DEFB119: variants seen among roughly 807,000 people sequenced by gnomAD.
DEFB119 encodes the protein beta-defensin 119.
DEFB119 carries 3 observed loss-of-function variants against 2.5 expected under a neutral mutation model. The observed-to-expected ratio is 1.19, with a 90% confidence interval of 0.54 to 3.07. The LOEUF (loss-of-function observed/expected upper bound fraction) is 3.07. Among genes scored for constraint, DEFB119 ranks in the 30% most tolerant of loss-of-function variants. The pLI is 0.03. For missense variants in DEFB119, 113 were observed against 101.1 expected (o/e 1.12, Z -0.50); for synonymous variants, 29 against 33.7 (o/e 0.86, Z 0.48).
At chr20:31,385,665 G>A (rs1986669540) in intron 1 of DEFB119, among the ~76,000 whole-genome samples, 1 of 152,140 alleles carries the variant, frequency 6.6e-6, no homozygotes, top group African/African-American at 2.4e-5. Context: ...CCAGGAGTTT[G>A]AGAGCAGACT....
chr20:31,380,594 T>G (rs1600507676), intron 1 of DEFB119, among the ~76,000 whole-genome samples: 2 of 152,136 alleles, frequency 1.3e-5, no homozygotes, highest in Non-Finnish European at 2.9e-5. Context: ...TAAATATTTG[T>G]GAAAGGTGTG....
chr20:31,378,148 GGAA>G (rs1986370425), intron 1 of DEFB119, among the ~76,000 whole-genome samples: 1 of 152,176 alleles, frequency 6.6e-6, no homozygotes, highest in African/African-American at 2.4e-5. Flanking sequence ...CTATCTGGTG[GGAA>G]GAAGGCATCC....
chr20:31,380,859 A>C (rs1314612830), intron 1 of DEFB119, among the ~76,000 whole-genome samples: 1 of 152,130 alleles, frequency 6.6e-6, no homozygotes, highest in Non-Finnish European at 1.5e-5. Context: ...TGGTAAAATA[A>C]TTCTTCCAAC....
intron 1 of DEFB119, among the ~76,000 whole-genome samples, chr20:31,386,748 C>T (rs958144119): frequency 2.0e-5 from 3 of 151,580 alleles, no homozygotes; most frequent in African/African-American, 7.3e-5. Context: ...TGTTCCATAG[C>T]TCTGTAGGGT....
rs1986894973 is a variant in DEFB119, at chr20:31,390,505, G to A, written c.-22C>T. On this transcript the variant is annotated 5_prime_UTR_variant, in exon 1 of 2. Coordinates refer to ENST00000376321, the MANE Select transcript of DEFB119 (RefSeq NM_153289.4). ...TCATGGCTGGCAGACCTGAGAGGAGGAGGTGGCTGAGCTGCAGGGGAAGGA... is the reference window on the plus strand; with the variant it reads ...TCATGGCTGGCAGACCTGAGAGGAGAAGGTGGCTGAGCTGCAGGGGAAGGA... 1.9e-6 allele frequency: 3 copies of A among 1,612,072 alleles called. No homozygotes were observed. The highest frequency in any genetic ancestry group is 2.5e-6 in the Non-Finnish European group (3 of 1,179,300).
At chr20:31,390,187 G>A (rs1986878707) in intron 1 of DEFB119, among the ~76,000 whole-genome samples, 2 of 151,894 alleles carry the variant, frequency 1.3e-5, no homozygotes, top group African/African-American at 4.8e-5. Context: ...CCTCTCCCAA[G>A]CTCCCACCAG....
chr20:31,389,006 A>G, intron 1 of DEFB119: 1 of 1,613,648 alleles, frequency 6.2e-7, no homozygotes, highest in Non-Finnish European at 8.5e-7. Context: ...ACCCTAAGCA[A>G]CCTGAAACAA....
chr20:31,380,940 C>G (rs1018616465), intron 1 of DEFB119, among the ~76,000 whole-genome samples: 1 of 152,136 alleles, frequency 6.6e-6, no homozygotes, highest in African/African-American at 2.4e-5. Flanking sequence ...AGGGTATAGA[C>G]AGAATAATCT....
intron 1 of DEFB119, chr20:31,388,887 T>C (rs1986811182): frequency 3.4e-6 from 5 of 1,463,962 alleles, no homozygotes; most frequent in Non-Finnish European, 4.6e-6. Context: ...TTCTCTCGAC[T>C]AGCTCTTCAC....
At chr20:31,383,821 C>T (rs1226221374) in intron 1 of DEFB119, among the ~76,000 whole-genome samples, 4 of 151,796 alleles carry the variant, frequency 2.6e-5, no homozygotes, top group South Asian at 2.1e-4. Flanking sequence ...GCAGCCTGGG[C>T]GACAGAGCAA....
At chr20:31,380,832 T>C (rs1600507973) in intron 1 of DEFB119, among the ~76,000 whole-genome samples, 2 of 152,216 alleles carry the variant, frequency 1.3e-5, no homozygotes, top group Non-Finnish European at 2.9e-5. Flanking sequence ...TATTACTATA[T>C]AATAAGTCTT....
intron 1 of DEFB119, chr20:31,388,972 T>A: frequency 8.5e-6 from 13 of 1,529,356 alleles, no homozygotes; most frequent in Middle Eastern, 1.8e-4. Context: ...CAGAAACAAA[T>A]TTGTGAGTTT....
In DEFB119 at chr20:31,382,376, G is replaced by T. The variant is rs115789291; in HGVS notation, c.62-4937C>A. 4.2e-3 allele frequency among the ~76,000 whole-genome samples: 639 copies of T among 152,198 alleles called. 6 individuals are homozygous for T. The highest frequency in any genetic ancestry group is 0.014 in the African/African-American group (588 of 41,516). On this transcript the variant is annotated intron_variant, in intron 1 of 1. Transcript: ENST00000376321. ...GCTGTGTATCCTGGGGCAAGTTTCT[G>T]CACCTCCCTGTTCTACCCTTTTTCT...
chr20:31,378,671 G>A (rs1986393024), intron 1 of DEFB119, among the ~76,000 whole-genome samples: 1 of 152,088 alleles, frequency 6.6e-6, no homozygotes, highest in South Asian at 2.1e-4. Context: ...CATTTTGGTT[G>A]TTTCCAGGTC....
At chr20:31,378,518 T>A (rs768816806) in intron 1 of DEFB119, 82 of 1,431,492 alleles carry the variant, frequency 5.7e-5, no homozygotes, top group Non-Finnish European at 7.5e-5. Flanking sequence ...AGGAAAATCT[T>A]AACTTTAATG....
chr20:31,388,116 A>T (rs1205035565), intron 1 of DEFB119: 1 of 985,260 alleles, frequency 1.0e-6, no homozygotes, highest in Non-Finnish European at 1.2e-6. Context: ...AAAGTCTGGG[A>T]AGACACCCAG....
Position 31,389,204 on chromosome 20 carries a change from G to A in DEFB119, c.61+1219C>T, listed in dbSNP as rs199988239. 89 of 1,614,086 alleles carry A rather than the reference G, an allele frequency of 5.5e-5. No homozygotes were observed. Among genetic ancestry groups the A allele is most frequent in the Non-Finnish European group, 7.0e-5 (83 of 1,180,020 alleles). ...TCTTCACCATCTTTGCACAACAACC[G>A]GCAGTGTCCATCCATCCAACACTCT... is the stretch of plus-strand genomic sequence containing the variant. On this transcript the variant is annotated intron_variant, in intron 1 of 1. Coordinates refer to ENST00000376321, the MANE Select transcript of DEFB119 (RefSeq NM_153289.4).
Position 31,390,576 on chromosome 20 carries a change from A to C in DEFB119, c.-93T>G, listed in dbSNP as rs1986899441. Reference sequence around the variant, plus strand: ...GGCAGAGATGAGCTTTGCTTTTATCAGCAGGGCTGTGGGCAGTGAATTAGA... The same window carrying C: ...GGCAGAGATGAGCTTTGCTTTTATCCGCAGGGCTGTGGGCAGTGAATTAGA... On this transcript the variant is annotated 5_prime_UTR_variant, in exon 1 of 2. Coordinates refer to ENST00000376321, the MANE Select transcript of DEFB119 (RefSeq NM_153289.4). The C allele has an allele frequency of 2.4e-6, 3 of 1,265,914 alleles. No homozygotes were observed. The highest frequency in any genetic ancestry group is 1.1e-6 in the Non-Finnish European group (1 of 880,506). 78.4% of individuals were successfully genotyped at this position (1,265,914 alleles called of 1,614,324 possible). A position where few individuals can be genotyped will look rare whatever the true frequency, so the allele number is the denominator to read the frequency against.
Position 31,390,437 on chromosome 20 carries a change from T to C in DEFB119, c.47A>G (p.Glu16Gly). 11 of 1,612,240 alleles carry C rather than the reference T, an allele frequency of 6.8e-6. No homozygotes were observed. Among genetic ancestry groups the C allele is most frequent in the Middle Eastern group, 1.7e-4 (1 of 6,056 alleles). ...LFLAILLAIE[E>G]PVISGKRHIL... is the part of the protein sequence containing the mutation. ...GTTCACGTTACCTGATATCACTGGTTCTTCTATGGCCAGAAGGATGGCAAG... is the reference window on the plus strand; with the variant it reads ...GTTCACGTTACCTGATATCACTGGTCCTTCTATGGCCAGAAGGATGGCAAG... Residue 16 changes from glutamate (E) to glycine (G), a missense_variant, in exon 1 of 2, where the codon GAA becomes GGA. Coordinates refer to ENST00000376321, the MANE Select transcript of DEFB119 (RefSeq NM_153289.4).
Sources: allele counts gnomAD v4.1 joint callset (sites outside exome capture counted in the v4.1 genomes callset), GRCh38; gene constraint gnomAD v4.1.1; transcripts MANE v1.5; gene names NCBI Gene and HGNC (gene_info 2026-07-23, HGNC 2026-07-21).